OSBPL6: variants seen among roughly 807,000 people sequenced by gnomAD.
OSBPL6 encodes oxysterol binding protein like 6.
In OSBPL6, 49 loss-of-function variants were observed where a neutral mutation model predicts 125.8. The ratio of observed to expected loss-of-function variants is 0.39; its 90% CI spans 0.31 to 0.49. The LOEUF (loss-of-function observed/expected upper bound fraction) is 0.49, where lower values mean the gene tolerates loss of function less well. Among genes scored for constraint, OSBPL6 ranks in the 20% least tolerant of loss-of-function variants. The pLI is 0.88. For synonymous variants in OSBPL6, 394 were observed against 391.8 expected (o/e 1.01, Z -0.07); for missense variants, 986 against 1,135.4 (o/e 0.87, Z 1.89).
chr2:178,218,354 G>A (rs1317846845), intron 1 of OSBPL6, among the ~76,000 whole-genome samples: 2 of 149,136 alleles, frequency 1.3e-5, no homozygotes, highest in Non-Finnish European at 3.0e-5. Context: ...TGTTGGGTGA[G>A]TCCTTCTTAG....
In OSBPL6 at chr2:178,233,167, G is replaced by T. The variant is rs188719750; in HGVS notation, c.-351+38493G>T. Reference sequence around the variant, plus strand: ...ATTCAAGAAACCTGTTCGATATTCTGAGGGCAGAAATGGGAAGTGGAGTTT... The same window carrying T: ...ATTCAAGAAACCTGTTCGATATTCTTAGGGCAGAAATGGGAAGTGGAGTTT... On this transcript the variant is annotated intron_variant, in intron 1 of 24. Coordinates refer to ENST00000190611, the MANE Select transcript of OSBPL6 (RefSeq NM_032523.4). Among the ~76,000 whole-genome samples the T allele has an allele frequency of 2.6e-5, 4 of 152,280 alleles. No individual in the cohort carries two copies. In the East Asian group the frequency reaches 7.7e-4, roughly 29 times the overall value.
rs1216884864 is a variant in OSBPL6, at chr2:178,397,419, C to A, written c.*1860C>A. Reference sequence around the variant, plus strand: ...GCTTGCCCTGCGGCAGTAAAATCTTCCCCTTGATATTGATTCTTTTTCTGC... The same window carrying A: ...GCTTGCCCTGCGGCAGTAAAATCTTACCCTTGATATTGATTCTTTTTCTGC... On this transcript the variant is annotated 3_prime_UTR_variant, in exon 25 of 25. Transcript: ENST00000190611. 1 of 152,214 alleles carries A rather than the reference C, an allele frequency of 6.6e-6. No individual in the cohort carries two copies. The highest frequency in any genetic ancestry group is 2.1e-4 in the South Asian group (1 of 4,824). The allele number at this position is 152,214 out of a possible 1,614,324, so 9.4% of individuals were successfully genotyped here.
At chr2:178,379,459 G>T (rs1300525631) in intron 15 of OSBPL6, among the ~76,000 whole-genome samples, 3 of 148,814 alleles carry the variant, frequency 2.0e-5, no homozygotes, top group Non-Finnish European at 3.0e-5. Flanking sequence ...GAAGGAAGGA[G>T]GGAAGGAGAA....
intron 13 of OSBPL6, among the ~76,000 whole-genome samples, chr2:178,363,770 A>G (rs1692566717): frequency 7.2e-5 from 11 of 152,254 alleles, no homozygotes; most frequent in Admixed American, 7.2e-4. Flanking sequence ...TTAGAGCCTC[A>G]ATAGATTTTT....
intron 13 of OSBPL6, among the ~76,000 whole-genome samples, chr2:178,366,580 G>A (rs559573706): frequency 2.0e-5 from 3 of 152,148 alleles, no homozygotes; most frequent in Admixed American, 6.5e-5. Flanking sequence ...CGGTGAATGT[G>A]GGGGGAAATG....
intron 1 of OSBPL6, among the ~76,000 whole-genome samples, chr2:178,205,749 T>A (rs376116240): frequency 6.6e-6 from 1 of 152,344 alleles, no homozygotes; most frequent in East Asian, 1.9e-4. Context: ...TAGTCACTTA[T>A]TGAAACACGA....
rs115946696 is a variant in OSBPL6, at chr2:178,322,099, C to T, written c.103-2078C>T. 3.0e-3 allele frequency among the ~76,000 whole-genome samples: 452 copies of T among 152,276 alleles called. 5 individuals carry two copies. Among genetic ancestry groups the T allele is most frequent in the African/African-American group, 0.011 (441 of 41,556 alleles). ...TTATTTCCATCACACTTCAAATATA[C>T]CACATTGATTTCTATATCTATGGCT... On this transcript the variant is annotated intron_variant, in intron 3 of 24. Transcript: ENST00000190611.
intron 1 of OSBPL6, among the ~76,000 whole-genome samples, chr2:178,221,137 T>G (rs1262551855): frequency 6.6e-6 from 1 of 152,236 alleles, no homozygotes; most frequent in Non-Finnish European, 1.5e-5. Context: ...TCAACTAGAC[T>G]ATTCATATCA....
At chr2:178,324,062 G>T in intron 3 of OSBPL6, 115 bp from the exon 4 acceptor site, 1 of 589,930 alleles carries the variant, frequency 1.7e-6, no homozygotes, top group Admixed American at 2.9e-5. Context: ...TCAGGAACTT[G>T]CCATTTTTAA....
At chr2:178,348,844 G>A (rs984272500) in intron 11 of OSBPL6, among the ~76,000 whole-genome samples, 2 of 152,218 alleles carry the variant, frequency 1.3e-5, no homozygotes, top group African/African-American at 2.4e-5. Context: ...TCCAGGATCA[G>A]ATAGTCCAGA....
intron 1 of OSBPL6, among the ~76,000 whole-genome samples, chr2:178,198,566 G>T (rs1483233970): frequency 6.6e-6 from 1 of 151,048 alleles, no homozygotes; most frequent in East Asian, 2.0e-4. Flanking sequence ...GTTGCAGTGA[G>T]CCGAGATTGC....
intron 12 of OSBPL6, among the ~76,000 whole-genome samples, chr2:178,353,123 C>A (rs930258319): frequency 7.2e-5 from 11 of 152,158 alleles, no homozygotes; most frequent in Admixed American, 4.6e-4. Context: ...GTAGATAAAA[C>A]CACAAAGATG....
chr2:178,201,223 G>A (rs910524116), intron 1 of OSBPL6, among the ~76,000 whole-genome samples: 3 of 152,162 alleles, frequency 2.0e-5, no homozygotes, highest in African/African-American at 7.2e-5. Context: ...GAAAATATTG[G>A]TGGGCAATGT....
At chr2:178,249,445 C>G (rs2091607873) in intron 1 of OSBPL6, among the ~76,000 whole-genome samples, 1 of 152,104 alleles carries the variant, frequency 6.6e-6, no homozygotes, top group Admixed American at 6.5e-5. Context: ...AGGATTTTCA[C>G]TATGATAGTA....
chr2:178,283,833 A>G (rs1684448527), intron 1 of OSBPL6, among the ~76,000 whole-genome samples: 1 of 152,176 alleles, frequency 6.6e-6, no homozygotes, highest in South Asian at 2.1e-4. Flanking sequence ...CAAGAGAGAG[A>G]GAGAAAAGGA....
chr2:178,270,840 C>T (rs535742022), intron 1 of OSBPL6, among the ~76,000 whole-genome samples: 4 of 152,242 alleles, frequency 2.6e-5, no homozygotes, highest in African/African-American at 7.2e-5. Context: ...GTACTAGGCC[C>T]TGAACACCTT....
At chr2:178,321,228 A>G (rs1343475472) in intron 3 of OSBPL6, among the ~76,000 whole-genome samples, 1 of 152,210 alleles carries the variant, frequency 6.6e-6, no homozygotes, top group Non-Finnish European at 1.5e-5. Context: ...AATTAGCACT[A>G]AAAAATTCCA....
intron 1 of OSBPL6, among the ~76,000 whole-genome samples, chr2:178,273,256 C>T (rs954667276): frequency 3.9e-5 from 6 of 152,086 alleles, no homozygotes; most frequent in South Asian, 2.1e-4. Context: ...TAAGGAATTT[C>T]GGCTTTATTC....
At chr2:178,251,602 C>T (rs1369999279) in intron 1 of OSBPL6, among the ~76,000 whole-genome samples, 2 of 152,110 alleles carry the variant, frequency 1.3e-5, no homozygotes, top group African/African-American at 4.8e-5. Flanking sequence ...TCCTCCAAGG[C>T]ACCTGTGTTA....
Sources: gnomAD v4.1 joint callset for allele counts (sites outside exome capture counted in the v4.1 genomes callset) on GRCh38, gnomAD v4.1.1 for gene constraint, MANE v1.5 for transcripts, NCBI Gene and HGNC (gene_info 2026-07-23, HGNC 2026-07-21) for gene names.